Variants in SH3RF1 observed in about 807,000 individuals in gnomAD.
The protein encoded by SH3RF1 is SH3 domain containing ring finger 1, also known as E3 ubiquitin-protein ligase SH3RF1.
A neutral mutation model predicts 74.0 loss-of-function variants in SH3RF1; 32 were observed. The observed-to-expected ratio is 0.43, with a 90% CI of 0.33 to 0.58. SH3RF1 has a LOEUF of 0.58. SH3RF1 is among the 20% of genes least tolerant of loss of function. The probability of loss-of-function intolerance (pLI) is 0.05; values close to 1 mark genes in which losing one functional copy is unlikely to be tolerated. For missense variants in SH3RF1, 954 were observed against 1,130.9 expected, an observed-to-expected ratio of 0.84 and a Z score of 2.24; for synonymous variants, 396 against 439.6, an observed-to-expected ratio of 0.90 and a Z score of 1.24.
At chr4:169,161,306 TA>T (rs894115907) in intron 2 of SH3RF1, among the ~76,000 whole-genome samples, 1 of 152,230 alleles carries the variant, frequency 6.6e-6, no homozygotes, top group African/African-American at 2.4e-5. Context: ...ATTGTTCATT[TA>T]AAAAAATAAG....
chr4:169,179,817 C>G (rs1252345526), intron 2 of SH3RF1, among the ~76,000 whole-genome samples: 1 of 152,162 alleles, frequency 6.6e-6, no homozygotes. Flanking sequence ...CTTGAAACAG[C>G]TGGTTGGACT....
intron 6 of SH3RF1, among the ~76,000 whole-genome samples, chr4:169,123,022 C>G (rs959740918): frequency 1.9e-4 from 29 of 152,108 alleles, no homozygotes; most frequent in Admixed American, 1.9e-3. Context: ...GGTCTGTATA[C>G]TGAAACTCTT....
chr4:169,167,061 C>G (rs1734258470), intron 2 of SH3RF1: 1 of 201,900 alleles, frequency 5.0e-6, no homozygotes. Context: ...CCAGGGCTAC[C>G]TATAATCTGT....
intron 11 of SH3RF1, among the ~76,000 whole-genome samples, chr4:169,097,158 T>C (rs1732945328): frequency 6.6e-6 from 1 of 152,150 alleles, no homozygotes; most frequent in African/African-American, 2.4e-5. Flanking sequence ...TCCACCTCTA[T>C]GTTGTAAGCA....
chr4:169,131,173 C>A (rs1417803685), intron 5 of SH3RF1, among the ~76,000 whole-genome samples: 1 of 152,184 alleles, frequency 6.6e-6, no homozygotes, highest in Non-Finnish European at 1.5e-5. Context: ...GTAGGCCCGA[C>A]CAAAGCCAGG....
chr4:169,188,745 C>T (rs17593695), intron 2 of SH3RF1, among the ~76,000 whole-genome samples: 17,213 of 152,212 alleles, frequency 0.11, 1,005 homozygotes, highest in Middle Eastern at 0.16. Context: ...AAATGAAAAG[C>T]TTTATGCAGA....
chr4:169,100,246 C>T (rs941537062), intron 11 of SH3RF1, among the ~76,000 whole-genome samples: 1 of 152,160 alleles, frequency 6.6e-6, no homozygotes, highest in East Asian at 1.9e-4. Context: ...CTACATGGGA[C>T]CTGCTGATCT....
At chr4:169,163,465 C>T (rs758993390) in intron 2 of SH3RF1, among the ~76,000 whole-genome samples, 3 of 152,002 alleles carry the variant, frequency 2.0e-5, no homozygotes, top group Non-Finnish European at 2.9e-5. Context: ...AGGGGCATTG[C>T]TTAGTAAATA....
At chr4:169,262,705 G>A (rs72708561) in intron 2 of SH3RF1, among the ~76,000 whole-genome samples, 2,179 of 152,146 alleles carry the variant, frequency 0.014, 25 homozygotes, top group Non-Finnish European at 0.023. Context: ...CTTGACCCCA[G>A]AAAGCTGTTG....
chr4:169,218,446 CAT>C (rs199812652), intron 2 of SH3RF1, among the ~76,000 whole-genome samples: 5,930 of 140,664 alleles, frequency 0.042, 404 homozygotes, highest in African/African-American at 0.15. Context: ...GAATATAATA[CAT>C]GTTATATAAT....
intron 2 of SH3RF1, among the ~76,000 whole-genome samples, chr4:169,216,298 TATA>T (rs1209735866): frequency 1.3e-5 from 2 of 152,194 alleles, no homozygotes; most frequent in African/African-American, 4.8e-5. Context: ...AATTGGAAAT[TATA>T]ATGTTTTAGA....
At chr4:169,229,940 T>G (rs565764653) in intron 2 of SH3RF1, among the ~76,000 whole-genome samples, 1,800 of 141,216 alleles carry the variant, frequency 0.013, 275 homozygotes, top group African/African-American at 0.044. Context: ...GCGAGGTGGC[T>G]CATGCCTGTA....
rs533331527 is a variant in SH3RF1, at chr4:169,169,528, C to T, written c.394-12849G>A. On this transcript the variant is annotated intron_variant, in intron 2 of 11. Transcript: ENST00000284637. ...AGGACAATCACTTGAACCCAGGAGG[C>T]GGAGGTTGCAGTGAGCTGAGACTGC... Among the ~76,000 whole-genome samples, 27 of 152,038 alleles carry T rather than the reference C, an allele frequency of 1.8e-4. No homozygotes were observed. The South Asian group carries it at 3.3e-3, about 19-fold the overall frequency.
chr4:169,136,439 T>C lies in SH3RF1; in HGVS notation c.947A>G (p.Gln316Arg), dbSNP rs1733701939. 1 of 1,610,530 alleles carries C rather than the reference T, an allele frequency of 6.2e-7. No individual in the cohort carries two copies. Among genetic ancestry groups the C allele is most frequent in the Admixed American group, 1.7e-5 (1 of 59,640 alleles). Residue 316 changes from glutamine to arginine, a missense_variant, in exon 5 of 12, where the codon CAG becomes CGG. This residue lies in a region of SH3RF1 where 854 missense variants were observed against 962.5 expected (regional missense o/e 0.89). Transcript: ENST00000284637. ...CATGGAGTGGCGGTTCTGGGATGCC[T>C]GGGAGGACTTGTTGGCCATAGTGAG... is the stretch of plus-strand genomic sequence containing the variant. ...TSLTMANKSS[Q>R]ASQNRHSMEI...
intron 10 of SH3RF1, among the ~76,000 whole-genome samples, chr4:169,110,855 C>T (rs1044966843): frequency 4.6e-5 from 7 of 151,990 alleles, no homozygotes; most frequent in East Asian, 1.9e-4. Context: ...CAATGTCAGG[C>T]GAGACTTACA....
chr4:169,121,054 T>A, intron 7 of SH3RF1, 65 bp from the exon 8 acceptor site: 2 of 1,329,612 alleles, frequency 1.5e-6, no homozygotes, highest in Non-Finnish European at 2.2e-6. Context: ...TGCTCAAAAT[T>A]CTTCCTTGGT....
intron 2 of SH3RF1, among the ~76,000 whole-genome samples, chr4:169,221,140 G>A (rs1311396547): frequency 1.3e-5 from 2 of 152,206 alleles, no homozygotes; most frequent in Non-Finnish European, 2.9e-5. Flanking sequence ...GTGCTCTCTA[G>A]TGAGCAAGAG....
At chr4:169,168,783 T>C (rs1734283564) in intron 2 of SH3RF1, among the ~76,000 whole-genome samples, 1 of 152,242 alleles carries the variant, frequency 6.6e-6, no homozygotes, top group Non-Finnish European at 1.5e-5. Flanking sequence ...TAATCTATGA[T>C]TTCTTTGGCA....
At chr4:169,231,406 A>C (rs1730736238) in intron 2 of SH3RF1, among the ~76,000 whole-genome samples, 1 of 152,082 alleles carries the variant, frequency 6.6e-6, no homozygotes. Context: ...TCTCTACTAA[A>C]AATACAAAAA....
Sources: gnomAD v4.1 joint callset for allele counts (sites outside exome capture counted in the v4.1 genomes callset) on GRCh38, gnomAD v4.1.1 for gene constraint, gnomAD v4.1.1 regional missense constraint, MANE v1.5 for transcripts, NCBI Gene and HGNC (gene_info 2026-07-23, HGNC 2026-07-21) for gene names.